Variants in SCHIP1 observed in about 807,000 individuals in gnomAD.
SCHIP1 encodes the protein schwannomin interacting protein 1.
SCHIP1 carries 8 observed loss-of-function variants against 29.7 expected under a neutral mutation model. The ratio of observed to expected loss-of-function variants is 0.27; its 90% CI spans 0.16 to 0.49. SCHIP1 has a LOEUF of 0.49. Ranked by LOEUF, SCHIP1 falls within the 20% of genes least tolerant of loss-of-function variation. SCHIP1 has a pLI of 0.99. For synonymous variants in SCHIP1, 76 were observed against 94.9 expected (o/e 0.80, Z 1.16); for missense variants, 193 against 294.6 (o/e 0.66, Z 2.52).
chr3:159,642,041 C>T, the SCHIP1 span, among the ~76,000 whole-genome samples: 1 of 152,042 alleles, frequency 6.6e-6, no homozygotes, highest in South Asian at 2.1e-4. Context: ...TTTTGAATCT[C>T]ACTCACTTCT....
At chr3:159,307,036 C>A in the SCHIP1 span, among the ~76,000 whole-genome samples, 2 of 152,242 alleles carry the variant, frequency 1.3e-5, no homozygotes, top group Non-Finnish European at 2.9e-5. Flanking sequence ...AAAAAATGTT[C>A]ATTGCAGTGC....
the SCHIP1 span, among the ~76,000 whole-genome samples, chr3:159,392,001 G>C: frequency 6.6e-6 from 1 of 152,186 alleles, no homozygotes; most frequent in South Asian, 2.1e-4. Context: ...CGAGACTCTG[G>C]CAACCTGTCC....
the SCHIP1 span, among the ~76,000 whole-genome samples, chr3:159,506,000 G>A: frequency 6.6e-6 from 1 of 152,184 alleles, no homozygotes; most frequent in Non-Finnish European, 1.5e-5. Context: ...TGGGATGGCT[G>A]GGTCAAATGG....
the SCHIP1 span, chr3:159,273,760 A>T: frequency 1.9e-6 from 3 of 1,599,174 alleles, no homozygotes; most frequent in Non-Finnish European, 2.6e-6. Flanking sequence ...GATTTCTTTC[A>T]AAGCCAATTT....
chr3:159,810,922 C>T, the SCHIP1 span, among the ~76,000 whole-genome samples: 18 of 152,314 alleles, frequency 1.2e-4, no homozygotes, highest in African/African-American at 4.3e-4. Context: ...ATATTCCCAT[C>T]GGCAATGTAT....
the SCHIP1 span, among the ~76,000 whole-genome samples, chr3:159,690,505 G>A: frequency 6.6e-6 from 1 of 151,994 alleles, no homozygotes; most frequent in East Asian, 1.9e-4. Flanking sequence ...TATTAGTCTG[G>A]CTAGCAGTCT....
the SCHIP1 span, among the ~76,000 whole-genome samples, chr3:159,483,138 G>A: frequency 6.6e-6 from 1 of 152,124 alleles, no homozygotes. Context: ...GCTGTTTTGG[G>A]AGATTTTTTT....
At chr3:159,438,419 C>T in the SCHIP1 span, among the ~76,000 whole-genome samples, 1 of 152,130 alleles carries the variant, frequency 6.6e-6, no homozygotes, top group African/African-American at 2.4e-5. Context: ...TACCCCCGTT[C>T]CCTGCAAAGA....
At chr3:159,528,075 T>C in the SCHIP1 span, among the ~76,000 whole-genome samples, 3 of 152,248 alleles carry the variant, frequency 2.0e-5, no homozygotes, top group Non-Finnish European at 4.4e-5. Context: ...TCCAGTCTTT[T>C]ATTACTTTAA....
chr3:159,772,785 G>A, the SCHIP1 span, among the ~76,000 whole-genome samples: 2 of 152,054 alleles, frequency 1.3e-5, no homozygotes, highest in African/African-American at 4.8e-5. Flanking sequence ...CTGTCGCCTA[G>A]GCTGGAGTAC....
the SCHIP1 span, among the ~76,000 whole-genome samples, chr3:159,281,162 A>G: frequency 6.6e-6 from 1 of 152,216 alleles, no homozygotes; most frequent in Admixed American, 6.5e-5. Context: ...GCCCTTGCCA[A>G]CTAAACCAAA....
the SCHIP1 span, among the ~76,000 whole-genome samples, chr3:159,369,294 C>A: frequency 1.3e-5 from 2 of 151,990 alleles, no homozygotes; most frequent in Admixed American, 1.3e-4. Context: ...CCATAAAATC[C>A]TTTTTCAATA....
At chr3:159,424,666 A>G in the SCHIP1 span, among the ~76,000 whole-genome samples, 3 of 152,308 alleles carry the variant, frequency 2.0e-5, no homozygotes, top group East Asian at 1.9e-4. Context: ...GCAGGCCAAC[A>G]TTCAGATTCA....
chr3:159,807,087 A>C, the SCHIP1 span, among the ~76,000 whole-genome samples: 3 of 152,238 alleles, frequency 2.0e-5, no homozygotes, highest in African/African-American at 7.2e-5. Flanking sequence ...TTCAGTTGAC[A>C]GATTTCACAA....
At chr3:159,638,917 A>G in the SCHIP1 span, among the ~76,000 whole-genome samples, 39 of 152,206 alleles carry the variant, frequency 2.6e-4, no homozygotes, top group African/African-American at 9.4e-4. Flanking sequence ...TGAAGTTCCA[A>G]TATTCTTTCT....
chr3:159,455,768 G>A, the SCHIP1 span, among the ~76,000 whole-genome samples: 1 of 152,198 alleles, frequency 6.6e-6, no homozygotes, highest in African/African-American at 2.4e-5. Context: ...AGGGTTGAGA[G>A]GCCAGGATGC....
At chr3:159,422,121 T>A in the SCHIP1 span, among the ~76,000 whole-genome samples, 20,825 of 152,196 alleles carry the variant, frequency 0.14, 1,662 homozygotes, top group African/African-American at 0.2. Context: ...GAAAACATTC[T>A]GTAGATATTT....
At chr3:159,447,988 T>C in the SCHIP1 span, among the ~76,000 whole-genome samples, 6 of 151,942 alleles carry the variant, frequency 3.9e-5, no homozygotes, top group Non-Finnish European at 8.8e-5. Context: ...CTGGCAAGAG[T>C]AGACAGGGAA....
At chr3:159,481,121 A>G in the SCHIP1 span, among the ~76,000 whole-genome samples, 1 of 152,150 alleles carries the variant, frequency 6.6e-6, no homozygotes, top group Non-Finnish European at 1.5e-5. Flanking sequence ...ACTTCAGGCC[A>G]TCTGGATGTA....
Sources: gnomAD v4.1 joint callset for allele counts (sites outside exome capture counted in the v4.1 genomes callset) on GRCh38, gnomAD v4.1.1 for gene constraint, MANE v1.5 for transcripts, NCBI Gene and HGNC (gene_info 2026-07-23, HGNC 2026-07-21) for gene names.